GATB: variants seen among roughly 807,000 people sequenced by gnomAD.
GATB encodes the protein glutamyl-tRNA amidotransferase subunit B.
GATB carries 39 observed loss-of-function variants against 62.3 expected under a neutral mutation model. That is an observed-to-expected ratio of 0.63 (90% confidence interval 0.48 to 0.82). GATB has a LOEUF of 0.82. Ranked by LOEUF, GATB falls within the 40% of genes least tolerant of loss-of-function variation. The pLI is 0.00. For synonymous variants in GATB, 276 were observed against 258.9 expected, an observed-to-expected ratio of 1.07 and a Z score of -0.63; for missense variants, 670 against 684.0, an observed-to-expected ratio of 0.98 and a Z score of 0.23.
intron 9 of GATB, among the ~76,000 whole-genome samples, chr4:151,697,983 A>ATG (rs1381997845): frequency 4.2e-4 from 56 of 133,532 alleles, no homozygotes; most frequent in African/African-American, 1.6e-3. Flanking sequence ...ATATATATAT[A>ATG]TATATATATA....
intron 10 of GATB, chr4:151,687,118 A>G (rs935603189): frequency 1.3e-5 from 2 of 152,206 alleles, no homozygotes; most frequent in African/African-American, 4.8e-5. Flanking sequence ...TGCGCTTCTC[A>G]TGCTGGGCAC....
At chr4:151,714,444 C>CCT (rs1418360946) in intron 5 of GATB, among the ~76,000 whole-genome samples, 2 of 152,248 alleles carry the variant, frequency 1.3e-5, no homozygotes, top group African/African-American at 4.8e-5. Flanking sequence ...TCCAGGCAGA[C>CCT]CTCAGCTCCC....
At chr4:151,731,799 C>T (rs1185552738) in intron 2 of GATB, among the ~76,000 whole-genome samples, 4 of 151,870 alleles carry the variant, frequency 2.6e-5, no homozygotes, top group Middle Eastern at 3.5e-3. Context: ...CGTCTCTGCC[C>T]GGCCGCCCCG....
chr4:151,737,263 G>A (rs371218840), intron 2 of GATB, among the ~76,000 whole-genome samples: 16 of 152,298 alleles, frequency 1.1e-4, no homozygotes, highest in Admixed American at 8.5e-4. Flanking sequence ...GGAACTTGTT[G>A]CAAACCGAAG....
intron 2 of GATB, among the ~76,000 whole-genome samples, chr4:151,726,722 T>C (rs1739144948): frequency 6.6e-6 from 1 of 152,316 alleles, no homozygotes; most frequent in Admixed American, 6.5e-5. Flanking sequence ...AGCTCTCTTA[T>C]ACTAATTCCA....
At chr4:151,715,120 A>G (rs1288829523) in intron 5 of GATB, among the ~76,000 whole-genome samples, 1 of 152,260 alleles carries the variant, frequency 6.6e-6, no homozygotes, top group Non-Finnish European at 1.5e-5. Flanking sequence ...AGTATTATCA[A>G]CCAGCATGGA....
chr4:151,688,846 C>A, intron 9 of GATB, 83 bp from the exon 10 acceptor site: 1 of 1,383,972 alleles, frequency 7.2e-7, no homozygotes. Flanking sequence ...CTGAAACTGT[C>A]CCCTCTGCCT....
intron 10 of GATB, among the ~76,000 whole-genome samples, chr4:151,685,405 G>A (rs1738223139): frequency 6.6e-6 from 1 of 152,190 alleles, no homozygotes; most frequent in African/African-American, 2.4e-5. Context: ...GTGGGGCTCT[G>A]CACCTGATGG....
chr4:151,703,940 T>C lies in GATB; in HGVS notation c.963-45A>G, dbSNP rs189212018. On this transcript the variant is annotated intron_variant, in intron 7 of 12. Transcript: ENST00000263985. The stretch of plus-strand genomic sequence containing the variant: ...AAACATTAAACATTGAAAGCAGCAC[T>C]GGCCAGCCTATATGTGGGGAAGGGC... 249 of 1,423,354 alleles carry C rather than the reference T, an allele frequency of 1.7e-4. 1 individual carries two copies. Among genetic ancestry groups the C allele is most frequent in the Middle Eastern group, 1.1e-3 (6 of 5,702 alleles). 88.2% of individuals were successfully genotyped at this position (1,423,354 alleles called of 1,614,324 possible).
At chr4:151,706,693 G>A (rs1004998510) in intron 6 of GATB, among the ~76,000 whole-genome samples, 1 of 152,012 alleles carries the variant, frequency 6.6e-6, no homozygotes, top group Admixed American at 6.5e-5. Context: ...TTCACTTCAG[G>A]TTCAGGACAA....
chr4:151,702,037 T>G (rs1195365763), intron 8 of GATB, among the ~76,000 whole-genome samples: 2 of 152,202 alleles, frequency 1.3e-5, no homozygotes, highest in Non-Finnish European at 2.9e-5. Flanking sequence ...TATCTAAGCA[T>G]GTCTGAACAA....
chr4:151,744,997 A>G (rs1739567397), intron 2 of GATB, among the ~76,000 whole-genome samples: 1 of 152,258 alleles, frequency 6.6e-6, no homozygotes, highest in Admixed American at 6.5e-5. Context: ...TAATCCCTGC[A>G]ACACCTCACT....
At chr4:151,698,281 G>A (rs1402603315) in intron 9 of GATB, among the ~76,000 whole-genome samples, 1 of 152,002 alleles carries the variant, frequency 6.6e-6, no homozygotes, top group Non-Finnish European at 1.5e-5. Flanking sequence ...TTAGAGTTCT[G>A]TAAATATTAA....
chr4:151,675,614 T>C (rs1193009772), intron 11 of GATB: 1 of 152,234 alleles, frequency 6.6e-6, no homozygotes, highest in Non-Finnish European at 1.5e-5. Flanking sequence ...TCCTCAGCTT[T>C]TGTCTGTGTT....
intron 10 of GATB, among the ~76,000 whole-genome samples, chr4:151,681,209 T>A (rs1738131049): frequency 6.6e-6 from 1 of 152,236 alleles, no homozygotes; most frequent in Admixed American, 6.5e-5. Context: ...TGACTTACTG[T>A]ACTCTAATTC....
At chr4:151,690,375 C>T (rs112690585) in intron 9 of GATB, among the ~76,000 whole-genome samples, 3,231 of 152,354 alleles carry the variant, frequency 0.021, 42 homozygotes, top group Non-Finnish European at 0.03. Context: ...GAGGCCACCT[C>T]GGCAGCCCAA....
chr4:151,717,511 A>G (rs577164783), intron 3 of GATB, among the ~76,000 whole-genome samples: 12 of 151,854 alleles, frequency 7.9e-5, no homozygotes, highest in Non-Finnish European at 1.3e-4. Context: ...TTTGCCATCT[A>G]CTCTCCACAC....
chr4:151,703,781 A>C (rs760957658), intron 8 of GATB, 70 bp downstream of exon 8: 1 of 1,060,246 alleles, frequency 9.4e-7, no homozygotes. Context: ...ATTATGTTGA[A>C]CTTTAAATGA....
rs1739263088 is a variant in GATB at position 151,731,868 on chromosome 4, CCT to C, written c.328-12332_328-12331del. Among the ~76,000 whole-genome samples the C allele has an allele frequency of 2.6e-5, 4 of 151,492 alleles. No individual in the cohort carries two copies. In the South Asian group the frequency reaches 8.4e-4, roughly 32 times the overall value. On this transcript the variant is annotated intron_variant, in intron 2 of 12. Transcript: ENST00000263985. The stretch of plus-strand genomic sequence containing the variant: ...CGCCCCATCTGAGAAGTGAGGAGCC[CCT>C]CCGCCCGGCAGCCACCCAGCAGCCG...
Sources: gnomAD v4.1 joint callset for allele counts (sites outside exome capture counted in the v4.1 genomes callset) on GRCh38, gnomAD v4.1.1 for gene constraint, MANE v1.5 for transcripts, NCBI Gene and HGNC (gene_info 2026-07-23, HGNC 2026-07-21) for gene names.